PPP1R14C: variants seen among roughly 807,000 people sequenced by gnomAD.
PPP1R14C encodes protein phosphatase 1 regulatory subunit 14C.
A neutral mutation model predicts 20.4 loss-of-function variants in PPP1R14C; 16 were observed. The ratio of observed to expected loss-of-function variants is 0.78; its 90% CI spans 0.53 to 1.19. The LOEUF is 1.19. PPP1R14C is among the 50% of genes most tolerant of loss of function. The pLI, the probability that PPP1R14C is intolerant of heterozygous loss-of-function variation, is 0.00. For missense variants in PPP1R14C, 211 were observed against 220.1 expected (o/e 0.96, Z 0.26); for synonymous variants, 91 against 91.0 (o/e 1.00, Z 0.00).
intron 1 of PPP1R14C, among the ~76,000 whole-genome samples, chr6:150,165,652 A>T (rs1325473961): frequency 2.6e-5 from 4 of 152,212 alleles, no homozygotes; most frequent in Non-Finnish European, 5.9e-5. Flanking sequence ...TTAAACACTC[A>T]GTGCAAGGAG....
At chr6:150,157,622 C>T (rs568822311) in intron 1 of PPP1R14C, among the ~76,000 whole-genome samples, 2 of 151,522 alleles carry the variant, frequency 1.3e-5, no homozygotes, top group East Asian at 3.9e-4. Context: ...CATGGCACTG[C>T]ATCCGTTGGC....
chr6:150,228,752 A>AGG (rs1442529943), intron 3 of PPP1R14C, among the ~76,000 whole-genome samples: 1 of 151,908 alleles, frequency 6.6e-6, no homozygotes, highest in Admixed American at 6.6e-5. Flanking sequence ...ACCTCTCAGG[A>AGG]GGTGAGGGCA....
chr6:150,202,910 A>C (rs1216278388), intron 1 of PPP1R14C, among the ~76,000 whole-genome samples: 2 of 152,330 alleles, frequency 1.3e-5, no homozygotes, highest in Admixed American at 1.3e-4. Flanking sequence ...TGAGCCAAAA[A>C]CACAGAGAAT....
chr6:150,231,952 A>G (rs1047483984), intron 3 of PPP1R14C, among the ~76,000 whole-genome samples: 1 of 152,224 alleles, frequency 6.6e-6, no homozygotes, highest in Non-Finnish European at 1.5e-5. Context: ...AATAACTATT[A>G]TTGGCCTGTT....
chr6:150,174,468 G>C (rs955298883), intron 1 of PPP1R14C, among the ~76,000 whole-genome samples: 3 of 151,780 alleles, frequency 2.0e-5, no homozygotes, highest in South Asian at 2.1e-4. Context: ...CGCCCACCTT[G>C]GCCTCCCAAA....
At chr6:150,221,889 CCT>C (rs1459200297) in intron 3 of PPP1R14C, among the ~76,000 whole-genome samples, 2 of 152,292 alleles carry the variant, frequency 1.3e-5, no homozygotes, top group Non-Finnish European at 1.5e-5. Context: ...GCCTCAATCT[CCT>C]GGGCTCAAGC....
chr6:150,212,615 T>C (rs1262894176), intron 1 of PPP1R14C, among the ~76,000 whole-genome samples: 2 of 152,220 alleles, frequency 1.3e-5, no homozygotes, highest in African/African-American at 2.4e-5. Flanking sequence ...CCAAGCTCCC[T>C]TAGCTGTGAT....
chr6:150,223,835 G>A (rs1241736686), intron 3 of PPP1R14C, among the ~76,000 whole-genome samples: 3 of 152,118 alleles, frequency 2.0e-5, no homozygotes, highest in Non-Finnish European at 2.9e-5. Flanking sequence ...GTTTCACAAA[G>A]CAGGAATTTT....
In PPP1R14C at chr6:150,167,567, C is replaced by G. The variant is rs926337446; in HGVS notation, c.306+24069C>G. On this transcript the variant is annotated intron_variant, in intron 1 of 3. Coordinates refer to ENST00000361131, the MANE Select transcript of PPP1R14C (RefSeq NM_030949.3). ...TTTAGTTCACTAGATTTAGAAGCAACAAACTAGGCTGCTAGGTATACGTTC... is the reference window on the plus strand; with the variant it reads ...TTTAGTTCACTAGATTTAGAAGCAAGAAACTAGGCTGCTAGGTATACGTTC... Among the ~76,000 whole-genome samples the G allele has an allele frequency of 2.6e-5, 4 of 152,122 alleles. No individual in the cohort carries two copies. In the East Asian group the frequency reaches 7.7e-4, roughly 29 times the overall value.
At chr6:150,209,428 TTATTTGTGTATG>T (rs769864083) in intron 1 of PPP1R14C, among the ~76,000 whole-genome samples, 30 of 78,594 alleles carry the variant, frequency 3.8e-4, no homozygotes, top group Non-Finnish European at 8.2e-4. Flanking sequence ...ATCTGTGTGT[TTATTTGTGTATG>T]TGTGTATGTG....
intron 3 of PPP1R14C, among the ~76,000 whole-genome samples, chr6:150,222,834 C>T (rs1452289687): frequency 7.2e-5 from 9 of 124,338 alleles, no homozygotes; most frequent in East Asian, 2.6e-4. Context: ...TGCAGTGGCA[C>T]GATCTCTGCT....
At position 150,214,813 on chromosome 6, in the gene PPP1R14C, G is replaced by A. The variant is rs951640164; in HGVS notation, c.376G>A (p.Ala126Thr). ...LLDADSDEER[A>T]SKLQEALVDC... ...TGATGCAGACAGTGATGAAGAGAGA[G>A]CTTCAAAATTACAGGTAAGCAGTTT... Residue 126 changes from alanine to threonine, a missense_variant, in exon 2 of 4, where the codon GCT becomes ACT. Coordinates refer to ENST00000361131, the MANE Select transcript of PPP1R14C (RefSeq NM_030949.3). The A allele has an allele frequency of 6.2e-7, 1 of 1,610,316 alleles. No individual in the cohort carries two copies. The highest frequency in any genetic ancestry group is 8.5e-7 in the Non-Finnish European group (1 of 1,178,236).
At chr6:150,204,915 C>G (rs913059373) in intron 1 of PPP1R14C, among the ~76,000 whole-genome samples, 3 of 151,978 alleles carry the variant, frequency 2.0e-5, no homozygotes, top group Non-Finnish European at 4.4e-5. Flanking sequence ...TAGGGTCCTC[C>G]CATTGCAGGA....
chr6:150,165,975 T>C (rs1051285994), intron 1 of PPP1R14C, among the ~76,000 whole-genome samples: 12 of 152,150 alleles, frequency 7.9e-5, no homozygotes, highest in African/African-American at 2.9e-4. Flanking sequence ...GAGGTTGGTG[T>C]GGACTCTGGA....
chr6:150,155,534 T>G (rs959311955), intron 1 of PPP1R14C, among the ~76,000 whole-genome samples: 1 of 152,198 alleles, frequency 6.6e-6, no homozygotes, highest in African/African-American at 2.4e-5. Context: ...TCCTGGAAAC[T>G]GTGAACATCA....
chr6:150,246,645 T>G (rs1262758069), intron 3 of PPP1R14C, among the ~76,000 whole-genome samples: 2 of 152,338 alleles, frequency 1.3e-5, no homozygotes, highest in East Asian at 3.9e-4. Context: ...CTTTACATTC[T>G]TCTGGGATAG....
intron 3 of PPP1R14C, among the ~76,000 whole-genome samples, chr6:150,235,205 C>T (rs984184781): frequency 1.3e-5 from 2 of 152,220 alleles, no homozygotes; most frequent in Non-Finnish European, 2.9e-5. Flanking sequence ...CCTCCTGCCT[C>T]AGTCTCCTGA....
chr6:150,178,026 C>T (rs1315938963), intron 1 of PPP1R14C, among the ~76,000 whole-genome samples: 2 of 152,202 alleles, frequency 1.3e-5, no homozygotes, highest in African/African-American at 4.8e-5. Flanking sequence ...TCCCAGGCAG[C>T]TGTGTGTCAT....
intron 3 of PPP1R14C, among the ~76,000 whole-genome samples, chr6:150,229,207 G>T (rs1049895387): frequency 6.6e-6 from 1 of 152,134 alleles, no homozygotes; most frequent in South Asian, 2.1e-4. Context: ...CCGGAAATGG[G>T]TTTCTTTTAT....
Sources: allele counts gnomAD v4.1 joint callset (sites outside exome capture counted in the v4.1 genomes callset), GRCh38; gene constraint gnomAD v4.1.1; transcripts MANE v1.5; gene names NCBI Gene and HGNC (gene_info 2026-07-23, HGNC 2026-07-21).